The following RUNX1 variants were observed in gnomAD, a reference collection of about 807,000 sequenced individuals.
RUNX1 encodes runt-related transcription factor 1.
In RUNX1, 19 loss-of-function variants were observed where a neutral mutation model predicts 42.8. That is an observed-to-expected ratio of 0.44 (90% CI 0.31 to 0.65). The LOEUF is 0.65. Among genes scored for constraint, RUNX1 ranks in the 30% least tolerant of loss-of-function variants. The pLI, the probability that RUNX1 is intolerant of heterozygous loss-of-function variation, is 0.07. For missense variants in RUNX1, 528 were observed against 672.0 expected, an observed-to-expected ratio of 0.79 and a Z score of 2.37; for synonymous variants, 271 against 289.4, an observed-to-expected ratio of 0.94 and a Z score of 0.64.
At chr21:35,020,269 G>A (rs1200297515) in intron 2 of RUNX1, among the ~76,000 whole-genome samples, 1 of 151,858 alleles carries the variant, frequency 6.6e-6, no homozygotes, top group Non-Finnish European at 1.5e-5. Flanking sequence ...ACAAAAGAAT[G>A]ATCCCTTGAG....
At position 35,049,243 on chromosome 21, in the gene RUNX1, C is replaced by A. The variant is rs140075488; in HGVS notation, c.-135G>T. 326 of 297,508 alleles carry A rather than the reference C, an allele frequency of 1.1e-3. 8 individuals carry two copies. The East Asian group carries it at 0.021, about 20-fold the overall frequency. The allele number at this position is 297,508 out of a possible 1,614,324, so 18.4% of individuals were successfully genotyped here. On this transcript the variant is annotated 5_prime_UTR_variant, in exon 1 of 9. Transcript: ENST00000675419. ...TGACCACTATGCTGGGTTCAGACTT[C>A]TGACACTGCCAGGCTACCCAACTTG...
intron 7 of RUNX1, among the ~76,000 whole-genome samples, chr21:34,806,666 A>G (rs1283934700): frequency 1.3e-5 from 2 of 152,246 alleles, no homozygotes; most frequent in East Asian, 3.9e-4. Context: ...TAACAACAGC[A>G]GAATACACAT....
At chr21:35,003,050 G>C (rs989654757) in intron 2 of RUNX1, among the ~76,000 whole-genome samples, 1 of 152,188 alleles carries the variant, frequency 6.6e-6, no homozygotes, top group African/African-American at 2.4e-5. Flanking sequence ...CACACCCAAA[G>C]AAGTGGTGAG....
At chr21:34,910,431 GA>G (rs11342536) in intron 2 of RUNX1, among the ~76,000 whole-genome samples, 151,966 of 151,966 alleles carry the variant, frequency 1, 75,983 homozygotes, top group Non-Finnish European at 1. Flanking sequence ...TGGGAACTAA[GA>G]AACAAATGAA....
chr21:34,812,371 G>A (rs1378371117), intron 7 of RUNX1, among the ~76,000 whole-genome samples: 1 of 152,218 alleles, frequency 6.6e-6, no homozygotes, highest in Non-Finnish European at 1.5e-5. Flanking sequence ...AATAACACAG[G>A]TTGGTGAGGT....
intron 5 of RUNX1, among the ~76,000 whole-genome samples, chr21:34,864,750 T>TGGAAC (rs2057632593): frequency 6.6e-6 from 1 of 152,226 alleles, no homozygotes; most frequent in South Asian, 2.1e-4. Flanking sequence ...CAGCCAGGGC[T>TGGAAC]TGGGTTCCAG....
chr21:34,911,733 C>G (rs1012412215), intron 2 of RUNX1, among the ~76,000 whole-genome samples: 1 of 152,168 alleles, frequency 6.6e-6, no homozygotes, highest in African/African-American at 2.4e-5. Flanking sequence ...AGCCCATCAC[C>G]TAGACCTGGG....
intron 6 of RUNX1, among the ~76,000 whole-genome samples, chr21:34,849,349 AGTAT>A (rs1416553049): frequency 4.4e-5 from 2 of 45,074 alleles, no homozygotes; most frequent in African/African-American, 1.6e-4. Flanking sequence ...TATTATATAT[AGTAT>A]ATATAATATA....
At chr21:34,994,487 T>G (rs1473382209) in intron 2 of RUNX1, among the ~76,000 whole-genome samples, 3 of 152,078 alleles carry the variant, frequency 2.0e-5, no homozygotes, top group African/African-American at 7.2e-5. Context: ...TTATTGTATA[T>G]TGCATGCCTA....
chr21:34,971,093 C>T (rs1196315774), intron 2 of RUNX1, among the ~76,000 whole-genome samples: 2 of 152,102 alleles, frequency 1.3e-5, no homozygotes, highest in Non-Finnish European at 2.9e-5. Flanking sequence ...TCAGGGAGGT[C>T]GAAGAATGTG....
At chr21:35,034,290 C>G (rs2059292166) in intron 2 of RUNX1, among the ~76,000 whole-genome samples, 1 of 152,254 alleles carries the variant, frequency 6.6e-6, no homozygotes, top group African/African-American at 2.4e-5. Flanking sequence ...GCTGCCTTTT[C>G]TTCTCTGCTC....
intron 2 of RUNX1, among the ~76,000 whole-genome samples, chr21:34,978,012 T>A (rs2058816118): frequency 6.6e-6 from 1 of 151,814 alleles, no homozygotes; most frequent in Admixed American, 6.6e-5. Flanking sequence ...AAGCCCCGCC[T>A]CCCAGGTTCA....
At chr21:34,866,222 C>T (rs1330373685) in intron 5 of RUNX1, among the ~76,000 whole-genome samples, 1 of 152,202 alleles carries the variant, frequency 6.6e-6, no homozygotes, top group East Asian at 1.9e-4. Flanking sequence ...AACACAATCG[C>T]AACATTTTTC....
chr21:34,889,662 A>T, intron 3 of RUNX1: 1 of 1,127,482 alleles, frequency 8.9e-7, no homozygotes, highest in Non-Finnish European at 1.1e-6. Context: ...GAGCGGCCCC[A>T]GGTGCGGAAC....
chr21:35,021,031 G>A (rs1030118055), intron 2 of RUNX1, among the ~76,000 whole-genome samples: 1 of 152,138 alleles, frequency 6.6e-6, no homozygotes, highest in Non-Finnish European at 1.5e-5. Context: ...AACATGTTTA[G>A]CTTTAGTCTT....
rs760635752 is a variant in RUNX1 at position 34,993,804 on chromosome 21, GAC to G, written c.58+55036_58+55037del. Among the ~76,000 whole-genome samples, 667 of 90,596 alleles carry G rather than the reference GAC, an allele frequency of 7.4e-3. 41 individuals are homozygous for G. Among genetic ancestry groups the G allele is most frequent in the African/African-American group, 0.038 (559 of 14,886 alleles). 59.4% of individuals were successfully genotyped at this position (90,596 alleles called of 152,430 possible). ...ACACACACACACAGACACACACACAGACACACACACACACATACACAGACACA... is the reference window on the plus strand; with the variant it reads ...ACACACACACACAGACACACACACAGACACACACACACATACACAGACACA... On this transcript the variant is annotated intron_variant, in intron 2 of 8. Transcript: ENST00000675419.
At chr21:34,943,298 T>C (rs2058541006) in intron 2 of RUNX1, among the ~76,000 whole-genome samples, 1 of 150,482 alleles carries the variant, frequency 6.6e-6, no homozygotes, top group Admixed American at 6.7e-5. Context: ...TGAGGAACAT[T>C]TCCCCCTTTA....
chr21:35,042,068 T>C (rs2059363933), intron 2 of RUNX1, among the ~76,000 whole-genome samples: 1 of 152,206 alleles, frequency 6.6e-6, no homozygotes, highest in African/African-American at 2.4e-5. Context: ...GTGGCTCTGA[T>C]GCAAGCAACA....
intron 2 of RUNX1, among the ~76,000 whole-genome samples, chr21:34,964,888 G>A (rs1039691478): frequency 3.3e-5 from 5 of 152,074 alleles, no homozygotes; most frequent in Admixed American, 1.3e-4. Context: ...CAGCACACAC[G>A]TACACACAGG....
Sources: allele counts gnomAD v4.1 joint callset (sites outside exome capture counted in the v4.1 genomes callset), GRCh38; gene constraint gnomAD v4.1.1; transcripts MANE v1.5; gene names NCBI Gene and HGNC (gene_info 2026-07-23, HGNC 2026-07-21).